COP1: variants seen among roughly 807,000 people sequenced by gnomAD.
The protein encoded by COP1 is E3 ubiquitin-protein ligase COP1.
COP1 carries 24 observed loss-of-function variants against 101.3 expected under a neutral mutation model. The observed-to-expected ratio is 0.24, with a 90% CI of 0.17 to 0.33. The LOEUF (loss-of-function observed/expected upper bound fraction) is 0.33, where lower values mean the gene tolerates loss of function less well. Ranked by LOEUF, COP1 falls within the 10% of genes least tolerant of loss-of-function variation. The pLI, the probability that COP1 is intolerant of heterozygous loss-of-function variation, is 1.00. For missense variants in COP1, 663 were observed against 906.2 expected, an observed-to-expected ratio of 0.73 and a Z score of 3.45; for synonymous variants, 347 against 341.9, an observed-to-expected ratio of 1.01 and a Z score of -0.17.
intron 15 of COP1, among the ~76,000 whole-genome samples, chr1:176,022,991 TG>T (rs2149036767): frequency 6.6e-6 from 1 of 152,312 alleles, no homozygotes; most frequent in Admixed American, 6.5e-5. Flanking sequence ...TGTAGAGATG[TG>T]GGGGTTTTCT....
chr1:176,143,787 G>A (rs1278484232), intron 6 of COP1, among the ~76,000 whole-genome samples: 1 of 152,060 alleles, frequency 6.6e-6, no homozygotes, highest in African/African-American at 2.4e-5. Context: ...CACTCTAGAT[G>A]CAAAGTTGAT....
chr1:176,113,567 T>C (rs1558134875), intron 9 of COP1, among the ~76,000 whole-genome samples: 1 of 152,104 alleles, frequency 6.6e-6, no homozygotes, highest in Admixed American at 6.6e-5. Context: ...TTAATATAAA[T>C]GGTAACTGTG....
intron 15 of COP1, among the ~76,000 whole-genome samples, chr1:176,007,906 AG>A (rs1663743082): frequency 1.3e-5 from 2 of 152,182 alleles, no homozygotes; most frequent in South Asian, 4.1e-4. Context: ...TGTTTACCTA[AG>A]CAAGCCTGGG....
intron 9 of COP1, among the ~76,000 whole-genome samples, chr1:176,112,426 T>C (rs547577711): frequency 1.3e-5 from 2 of 152,330 alleles, no homozygotes; most frequent in South Asian, 4.1e-4. Context: ...AATTTCTTTT[T>C]AGAAAAGTTG....
intron 11 of COP1, among the ~76,000 whole-genome samples, chr1:176,071,674 AAGGTTATTCT>A (rs1677034485): frequency 6.6e-6 from 1 of 152,180 alleles, no homozygotes; most frequent in Non-Finnish European, 1.5e-5. Context: ...CCTCCTGAGG[AAGGTTATTCT>A]ACCTCAGCAC....
At chr1:176,026,971 C>A (rs941074727) in intron 15 of COP1, among the ~76,000 whole-genome samples, 1 of 152,088 alleles carries the variant, frequency 6.6e-6, no homozygotes. Context: ...ATAATAAATA[C>A]AATGGTACAA....
intron 14 of COP1, among the ~76,000 whole-genome samples, chr1:176,036,507 C>CAAAAAAA (rs77138527): frequency 9.4e-5 from 12 of 127,318 alleles, no homozygotes; most frequent in Admixed American, 1.5e-4. Context: ...AACAAAAAAA[C>CAAAAAAA]AAAAAAAAAA....
chr1:175,956,542 C>T (rs2148513905), intron 18 of COP1, among the ~76,000 whole-genome samples: 1 of 151,564 alleles, frequency 6.6e-6, no homozygotes, highest in South Asian at 2.1e-4. Context: ...TTTTAAAATA[C>T]CATCCACACT....
intron 15 of COP1, among the ~76,000 whole-genome samples, chr1:175,995,218 C>T (rs1659832171): frequency 6.6e-6 from 1 of 152,126 alleles, no homozygotes; most frequent in Admixed American, 6.5e-5. Flanking sequence ...ACACAACATA[C>T]CAGAATCTCT....
At chr1:176,172,221 T>A (rs1443438009) in intron 3 of COP1, among the ~76,000 whole-genome samples, 1 of 152,160 alleles carries the variant, frequency 6.6e-6, no homozygotes, top group Non-Finnish European at 1.5e-5. Flanking sequence ...GGCTAATTTT[T>A]TATAGAGACA....
chr1:175,975,713 C>A (rs1026312384), intron 18 of COP1, among the ~76,000 whole-genome samples: 9 of 152,000 alleles, frequency 5.9e-5, no homozygotes, highest in Admixed American at 5.9e-4. Context: ...CTGGCCAACC[C>A]TTTTCTCTAT....
At chr1:175,950,391 TTAAGA>T (rs1649740190) in intron 18 of COP1, among the ~76,000 whole-genome samples, 1 of 152,186 alleles carries the variant, frequency 6.6e-6, no homozygotes, top group Non-Finnish European at 1.5e-5. Context: ...AGATATTGGC[TTAAGA>T]TAAATTATTT....
chr1:176,061,304 A>G (rs1300391468), intron 11 of COP1, among the ~76,000 whole-genome samples: 6 of 152,260 alleles, frequency 3.9e-5, no homozygotes, highest in Non-Finnish European at 2.9e-5. Flanking sequence ...GATGCTAGGA[A>G]CAAGTGGGTA....
At chr1:176,166,522 C>T (rs1172729109) in intron 3 of COP1, among the ~76,000 whole-genome samples, 1 of 152,244 alleles carries the variant, frequency 6.6e-6, no homozygotes, top group African/African-American at 2.4e-5. Flanking sequence ...AATGTATTAA[C>T]TGTCTTGCCA....
chr1:176,058,259 G>T (rs1316490263), intron 11 of COP1, among the ~76,000 whole-genome samples: 1 of 152,070 alleles, frequency 6.6e-6, no homozygotes, highest in Non-Finnish European at 1.5e-5. Flanking sequence ...CACCCCGTCT[G>T]GGAGGTGTAC....
intron 18 of COP1, among the ~76,000 whole-genome samples, chr1:175,983,271 G>T (rs1175216116): frequency 1.3e-5 from 2 of 152,186 alleles, no homozygotes; most frequent in African/African-American, 4.8e-5. Flanking sequence ...TTGTGGAAGG[G>T]ACCCAGTGGG....
At chr1:176,074,530 G>A (rs1677616923) in intron 11 of COP1, among the ~76,000 whole-genome samples, 1 of 151,808 alleles carries the variant, frequency 6.6e-6, no homozygotes, top group East Asian at 1.9e-4. Context: ...CCCAACCAGA[G>A]GTATCTTAAA....
In COP1 at chr1:176,115,256, C is replaced by A. The variant is rs532185118; in HGVS notation, c.1026+1368G>T. ...CTGAGATCAGGAGTTTGAGACCAGC[C>A]TGGCCAACATGGTGAAACCCCCATC... is the stretch of plus-strand genomic sequence containing the variant. On this transcript the variant is annotated intron_variant, in intron 9 of 19. Transcript: ENST00000367669. 1.1e-4 allele frequency among the ~76,000 whole-genome samples: 16 copies of A among 151,956 alleles called. No individual in the cohort carries two copies. The South Asian group carries it at 2.9e-3, about 28-fold the overall frequency.
intron 9 of COP1, among the ~76,000 whole-genome samples, chr1:176,098,407 A>T (rs1313066895): frequency 1.7e-4 from 26 of 152,218 alleles, no homozygotes; most frequent in African/African-American, 2.4e-5. Flanking sequence ...CCTAGGGTCT[A>T]AGGATTGTTC....
Sources: allele counts gnomAD v4.1 joint callset (sites outside exome capture counted in the v4.1 genomes callset), GRCh38; gene constraint gnomAD v4.1.1; transcripts MANE v1.5; gene names NCBI Gene and HGNC (gene_info 2026-07-23, HGNC 2026-07-21).